GLRA1: variants seen among roughly 807,000 people sequenced by gnomAD.
GLRA1 encodes glycine receptor alpha 1, also known as glycine receptor subunit alpha-1.
In GLRA1, 37 loss-of-function variants were observed where a neutral mutation model predicts 48.3. The ratio of observed to expected loss-of-function variants is 0.77; its 90% CI spans 0.59 to 1.01. The LOEUF (loss-of-function observed/expected upper bound fraction) is 1.01, where lower values mean the gene tolerates loss of function less well. GLRA1 is among the 50% of genes least tolerant of loss of function. The probability of loss-of-function intolerance (pLI) is 0.00; values close to 1 mark genes in which losing one functional copy is unlikely to be tolerated. For missense variants in GLRA1, 427 were observed against 571.0 expected, an observed-to-expected ratio of 0.75 and a Z score of 2.57; for synonymous variants, 196 against 210.7, an observed-to-expected ratio of 0.93 and a Z score of 0.60.
intron 3 of GLRA1, among the ~76,000 whole-genome samples, chr5:151,880,079 A>T (rs1311367355): frequency 6.6e-6 from 1 of 152,154 alleles, no homozygotes; most frequent in Non-Finnish European, 1.5e-5. Flanking sequence ...TTCCACCATG[A>T]TTGTAAGACT....
At chr5:151,856,719 G>T (rs749984198) in intron 4 of GLRA1, among the ~76,000 whole-genome samples, 2 of 151,742 alleles carry the variant, frequency 1.3e-5, no homozygotes, top group African/African-American at 4.8e-5. Flanking sequence ...CCGGGGTCTC[G>T]CCATGTTGCC....
In GLRA1 at chr5:151,886,817, C is replaced by A. The variant is rs375172006; in HGVS notation, c.185-29G>T. The A allele has an allele frequency of 6.4e-6, 10 of 1,558,558 alleles. No homozygotes were observed. In the African/African-American group the frequency reaches 1.4e-4, roughly 21 times the overall value. ...CCAATCAAGAGAGATTCCTGCTTAG[C>A]CCCAAGGCCATGGAAGAACCCACAG... On this transcript the variant is annotated intron_variant, in intron 2 of 8. Transcript: ENST00000274576.
chr5:151,823,390 G>A (rs1763192618), intron 8 of GLRA1, among the ~76,000 whole-genome samples: 1 of 152,192 alleles, frequency 6.6e-6, no homozygotes, highest in African/African-American at 2.4e-5. Context: ...ATTCAAGGTT[G>A]TACTGGGTTT....
At chr5:151,914,652 G>T (rs1349444504) in intron 1 of GLRA1, among the ~76,000 whole-genome samples, 1 of 152,112 alleles carries the variant, frequency 6.6e-6, no homozygotes, top group Non-Finnish European at 1.5e-5. Context: ...CTTTCTCAAT[G>T]AAATGATCTT....
At chr5:151,883,169 C>A (rs1753800862) in intron 3 of GLRA1, among the ~76,000 whole-genome samples, 1 of 152,210 alleles carries the variant, frequency 6.6e-6, no homozygotes, top group South Asian at 2.1e-4. Context: ...CAAGGCAGTA[C>A]ATCATAACTG....
intron 3 of GLRA1, among the ~76,000 whole-genome samples, chr5:151,877,698 C>T (rs999768303): frequency 6.6e-6 from 1 of 152,136 alleles, no homozygotes; most frequent in African/African-American, 2.4e-5. Flanking sequence ...TGAATAAGCT[C>T]ACAAGATCTG....
intron 3 of GLRA1, among the ~76,000 whole-genome samples, chr5:151,876,214 G>A (rs1418369882): frequency 1.3e-5 from 2 of 152,122 alleles, no homozygotes; most frequent in Non-Finnish European, 2.9e-5. Context: ...TGAAACTACT[G>A]GATGACACTT....
chr5:151,869,870 T>C (rs1753433211), intron 3 of GLRA1, among the ~76,000 whole-genome samples: 1 of 149,666 alleles, frequency 6.7e-6, no homozygotes, highest in Non-Finnish European at 1.5e-5. Context: ...CAAGATCACA[T>C]AGCTAGTAGG....
intron 1 of GLRA1, among the ~76,000 whole-genome samples, chr5:151,907,526 T>A (rs1303196243): frequency 6.6e-6 from 1 of 152,232 alleles, no homozygotes; most frequent in Non-Finnish European, 1.5e-5. Flanking sequence ...TAGACATTAT[T>A]GGGAGAAAGA....
At chr5:151,852,497 C>G (rs923289795) in intron 6 of GLRA1, among the ~76,000 whole-genome samples, 2 of 152,322 alleles carry the variant, frequency 1.3e-5, no homozygotes, top group Admixed American at 1.3e-4. Context: ...TGTCTGCTCC[C>G]TGTCTGTGTA....
chr5:151,871,175 T>C (rs2113378574), intron 3 of GLRA1, among the ~76,000 whole-genome samples: 1 of 149,596 alleles, frequency 6.7e-6, no homozygotes, highest in South Asian at 2.1e-4. Flanking sequence ...TCTCTTAGTC[T>C]TTTGTTTACT....
At chr5:151,861,341 C>T (rs1753199305) in intron 3 of GLRA1, among the ~76,000 whole-genome samples, 1 of 152,182 alleles carries the variant, frequency 6.6e-6, no homozygotes, top group African/African-American at 2.4e-5. Context: ...ACAGTCCCAC[C>T]AACAGTGTAA....
chr5:151,847,720 C>T lies in GLRA1; in HGVS notation c.912+3670G>A, dbSNP rs75115525. Reference sequence around the variant, plus strand: ...CAGCTTGGGCAACGGAGTGAGACTTCGTCTCAAAAAAAAAAAAAAAGTGAA... The same window carrying T: ...CAGCTTGGGCAACGGAGTGAGACTTTGTCTCAAAAAAAAAAAAAAAGTGAA... On this transcript the variant is annotated intron_variant, in intron 7 of 8. Coordinates refer to ENST00000274576, the MANE Select transcript of GLRA1 (RefSeq NM_000171.4). Among the ~76,000 whole-genome samples the T allele has an allele frequency of 1.7e-4, 25 of 145,328 alleles. No individual in the cohort carries two copies. In the East Asian group the frequency reaches 4.4e-3, roughly 26 times the overall value.
At chr5:151,823,071 G>C in intron 8 of GLRA1, 108 bp from the exon 9 acceptor site, 1 of 1,012,468 alleles carries the variant, frequency 9.9e-7, no homozygotes, top group Non-Finnish European at 1.4e-6. Context: ...GGTTCTCCCT[G>C]CTTTCCAGAC....
intron 3 of GLRA1, among the ~76,000 whole-genome samples, chr5:151,865,518 A>G (rs183620624): frequency 1.9e-4 from 29 of 152,314 alleles, no homozygotes; most frequent in Non-Finnish European, 3.2e-4. Flanking sequence ...AGCTGTACTG[A>G]GAAATTTGAA....
At chr5:151,828,365 A>C (rs1056298312) in intron 8 of GLRA1, among the ~76,000 whole-genome samples, 2 of 152,210 alleles carry the variant, frequency 1.3e-5, no homozygotes, top group Non-Finnish European at 2.9e-5. Context: ...AACCTCGTGA[A>C]CAGAGGTTGG....
chr5:151,889,355 A>G (rs1435740665), intron 2 of GLRA1, among the ~76,000 whole-genome samples: 1 of 152,250 alleles, frequency 6.6e-6, no homozygotes, highest in Non-Finnish European at 1.5e-5. Flanking sequence ...AGTCATAAAG[A>G]AGACACAGAA....
At chr5:151,824,195 C>A (rs889366075) in intron 8 of GLRA1, among the ~76,000 whole-genome samples, 1 of 151,552 alleles carries the variant, frequency 6.6e-6, no homozygotes, top group Non-Finnish European at 1.5e-5. Flanking sequence ...ATGGGGGTCT[C>A]GCTATGTTGC....
At chr5:151,902,465 A>G (rs1039731746) in intron 1 of GLRA1, among the ~76,000 whole-genome samples, 45 of 152,100 alleles carry the variant, frequency 3.0e-4, no homozygotes, top group African/African-American at 1.1e-3. Context: ...CAGTTAGCTC[A>G]TCTTGAAAAT....
Sources: allele counts gnomAD v4.1 joint callset (sites outside exome capture counted in the v4.1 genomes callset), GRCh38; gene constraint gnomAD v4.1.1; transcripts MANE v1.5; gene names NCBI Gene and HGNC (gene_info 2026-07-23, HGNC 2026-07-21).